The following EML4 variants were observed in gnomAD, a reference collection of about 807,000 sequenced individuals.
The protein encoded by EML4 is echinoderm microtubule-associated protein-like 4.
In EML4, 72 loss-of-function variants were observed where a neutral mutation model predicts 129.0. The ratio of observed to expected loss-of-function variants is 0.56; its 90% CI spans 0.46 to 0.68. The LOEUF (loss-of-function observed/expected upper bound fraction) is 0.68, where lower values mean the gene tolerates loss of function less well. Among genes scored for constraint, EML4 ranks in the 30% least tolerant of loss-of-function variants. EML4 has a pLI of 0.00. For missense variants in EML4, 1,363 were observed against 1,190.6 expected, an observed-to-expected ratio of 1.14 and a Z score of -2.13; for synonymous variants, 532 against 405.0, an observed-to-expected ratio of 1.31 and a Z score of -3.77.
chr2:42,312,268 C>CA (rs1004608504), intron 17 of EML4, among the ~76,000 whole-genome samples: 2 of 151,866 alleles, frequency 1.3e-5, no homozygotes, highest in African/African-American at 2.4e-5. Flanking sequence ...TTCTAAGCCC[C>CA]CCCCCACCAT....
intron 1 of EML4, among the ~76,000 whole-genome samples, chr2:42,200,488 G>T (rs956978177): frequency 2.0e-5 from 3 of 152,198 alleles, no homozygotes; most frequent in Non-Finnish European, 4.4e-5. Context: ...GAGGTTGTTA[G>T]GTATTGTGGT....
intron 3 of EML4, among the ~76,000 whole-genome samples, chr2:42,259,054 C>G (rs1456909204): frequency 6.6e-6 from 1 of 152,202 alleles, no homozygotes; most frequent in South Asian, 2.1e-4. Context: ...TGAGACCAGT[C>G]TGGCCAACAT....
chr2:42,223,679 C>G (rs1673766443), intron 1 of EML4, among the ~76,000 whole-genome samples: 1 of 152,078 alleles, frequency 6.6e-6, no homozygotes, highest in Non-Finnish European at 1.5e-5. Context: ...ATATTGAAAA[C>G]ATCCCCATGA....
chr2:42,201,041 T>G (rs950419124), intron 1 of EML4, among the ~76,000 whole-genome samples: 8 of 152,204 alleles, frequency 5.3e-5, no homozygotes, highest in Admixed American at 2.6e-4. Context: ...TATAGTACTT[T>G]TAAGTTCTTT....
At chr2:42,182,329 G>C (rs1670997430) in intron 1 of EML4, among the ~76,000 whole-genome samples, 1 of 127,026 alleles carries the variant, frequency 7.9e-6, no homozygotes, top group Non-Finnish European at 1.6e-5. Context: ...ACTGGTTTCT[G>C]CTTCCTTGCT....
At chr2:42,199,385 T>C (rs770123738) in intron 1 of EML4, among the ~76,000 whole-genome samples, 3 of 152,168 alleles carry the variant, frequency 2.0e-5, no homozygotes, top group Non-Finnish European at 2.9e-5. Context: ...AAAACTTATA[T>C]GTAATTTGGA....
At chr2:42,281,605 C>G (rs1176006718) in intron 7 of EML4, among the ~76,000 whole-genome samples, 1 of 152,108 alleles carries the variant, frequency 6.6e-6, no homozygotes, top group Non-Finnish European at 1.5e-5. Flanking sequence ...ACTTTCTTTA[C>G]TTATAAAAGG....
intron 6 of EML4, 31 bp from the exon 7 acceptor site, chr2:42,280,819 A>C: frequency 6.4e-7 from 1 of 1,569,560 alleles, no homozygotes; most frequent in Non-Finnish European, 8.7e-7. Flanking sequence ...GAAAATACGT[A>C]TGACTTAACT....
intron 19 of EML4, among the ~76,000 whole-genome samples, chr2:42,321,109 T>C (rs2109374): frequency 0.57 from 86,375 of 151,676 alleles, 25,238 homozygotes; most frequent in East Asian, 0.74. Flanking sequence ...CCAGGCCGGG[T>C]GCTGTGGCTC....
At chr2:42,214,989 G>T (rs1673098675) in intron 1 of EML4, among the ~76,000 whole-genome samples, 1 of 152,192 alleles carries the variant, frequency 6.6e-6, no homozygotes, top group African/African-American at 2.4e-5. Flanking sequence ...ATGACTACTG[G>T]TAGGCGTGTT....
intron 1 of EML4, among the ~76,000 whole-genome samples, chr2:42,219,114 A>C (rs919835987): frequency 3.3e-5 from 5 of 152,240 alleles, no homozygotes; most frequent in African/African-American, 1.2e-4. Context: ...CACAGTGAAC[A>C]TAGAAAGTTT....
At chr2:42,302,451 A>G (rs1338984158) in intron 14 of EML4, among the ~76,000 whole-genome samples, 1 of 152,206 alleles carries the variant, frequency 6.6e-6, no homozygotes, top group East Asian at 1.9e-4. Context: ...AACTTACCCA[A>G]AGTAATGTAA....
At chr2:42,315,434 A>T (rs1171721047) in intron 17 of EML4, among the ~76,000 whole-genome samples, 1 of 152,236 alleles carries the variant, frequency 6.6e-6, no homozygotes, top group Non-Finnish European at 1.5e-5. Flanking sequence ...GTCAATGAAT[A>T]CCCAAATAGA....
At chr2:42,218,288 C>G (rs749199028) in intron 1 of EML4, among the ~76,000 whole-genome samples, 58 of 151,966 alleles carry the variant, frequency 3.8e-4, no homozygotes, top group Non-Finnish European at 2.9e-5. Flanking sequence ...TCCATCACTT[C>G]CAGATGGGAC....
At chr2:42,239,545 T>C (rs1674883998) in intron 1 of EML4, among the ~76,000 whole-genome samples, 2 of 152,232 alleles carry the variant, frequency 1.3e-5, no homozygotes, top group Admixed American at 6.5e-5. Flanking sequence ...AGACTGATAG[T>C]GAGAGGTTTC....
At chr2:42,179,926 A>T (rs546339561) in intron 1 of EML4, among the ~76,000 whole-genome samples, 4 of 152,318 alleles carry the variant, frequency 2.6e-5, no homozygotes, top group Admixed American at 2.6e-4. Flanking sequence ...ATACACACAG[A>T]TACGTGTACA....
chr2:42,222,146 C>G (rs1190885650), intron 1 of EML4, among the ~76,000 whole-genome samples: 5 of 151,902 alleles, frequency 3.3e-5, no homozygotes, highest in Non-Finnish European at 7.4e-5. Flanking sequence ...TTTCTCAGCC[C>G]TATTAATAAA....
chr2:42,240,865 G>T (rs559969767), intron 1 of EML4, among the ~76,000 whole-genome samples: 2 of 152,304 alleles, frequency 1.3e-5, no homozygotes, highest in South Asian at 4.1e-4. Context: ...AGATGGCCGG[G>T]CGTGGTGGCT....
rs1335564947 is a variant in EML4, at chr2:42,317,429, G to A, written c.2059G>A (p.Gly687Ser). 6.2e-7 allele frequency: 1 copy of A among 1,600,890 alleles called. No homozygotes were observed. The highest frequency in any genetic ancestry group is 1.3e-5 in the African/African-American group (1 of 74,492). ...AACACTGACCTATTTTATTCTAGAT[G>A]GTACCTTCCTGGCTGTAGGATCTCA... The part of the protein sequence containing the change: ...QLSVMRYSID[G>S]TFLAVGSHDN... The change falls in exon 19 of 23, where the codon GGT (glycine) becomes AGT (serine). Residue 687 changes from glycine (G) to serine (S), a missense_variant and splice_region_variant. Physicochemically the swap from Gly to Ser is moderately conservative, Grantham distance 56. Coordinates refer to ENST00000318522, the MANE Select transcript of EML4 (RefSeq NM_019063.5).
Sources: gnomAD v4.1 joint callset for allele counts (sites outside exome capture counted in the v4.1 genomes callset) on GRCh38, gnomAD v4.1.1 for gene constraint, MANE v1.5 for transcripts, NCBI Gene and HGNC (gene_info 2026-07-23, HGNC 2026-07-21) for gene names.